Variants in GRID2IP observed in about 807,000 individuals in gnomAD.
GRID2IP encodes the protein delphilin.
In GRID2IP, 78 loss-of-function variants were observed where a neutral mutation model predicts 114.3. The ratio of observed to expected loss-of-function variants is 0.68; its 90% confidence interval spans 0.57 to 0.82. The LOEUF (loss-of-function observed/expected upper bound fraction) is 0.82, where lower values mean the gene tolerates loss of function less well. Ranked by LOEUF, GRID2IP falls within the 40% of genes least tolerant of loss-of-function variation. The pLI is 0.00. For synonymous variants in GRID2IP, 809 were observed against 724.0 expected (o/e 1.12, Z -1.89); for missense variants, 1,727 against 1,678.5 (o/e 1.03, Z -0.51).
At chr7:6,498,309 A>G in intron 20 of GRID2IP, 81 bp from the exon 21 acceptor site, 3 of 1,354,060 alleles carry the variant, frequency 2.2e-6, no homozygotes, top group Non-Finnish European at 3.0e-6. Context: ...ACAGGTCCCT[A>G]GCAGCCCTAT....
intron 10 of GRID2IP, 75 bp downstream of exon 10, chr7:6,510,534 T>C: frequency 5.2e-6 from 7 of 1,334,432 alleles, no homozygotes; most frequent in Non-Finnish European, 7.1e-6. Context: ...GGCCTGGGTC[T>C]CCTGGGCCCA....
At chr7:6,515,575 C>G (rs1779279510) in intron 7 of GRID2IP, among the ~76,000 whole-genome samples, 1 of 151,608 alleles carries the variant, frequency 6.6e-6, no homozygotes, top group Admixed American at 6.6e-5. Context: ...GTCGGGAGCT[C>G]AAGATCAGCT....
In GRID2IP at chr7:6,520,614, C is replaced by A; in HGVS notation, c.1232G>T (p.Gly411Val). The A allele has an allele frequency of 1.3e-6, 2 of 1,551,676 alleles. No homozygotes were observed. The highest frequency in any genetic ancestry group is 1.7e-6 in the Non-Finnish European group (2 of 1,146,974). ...GAAGCTCTCGAGGGCCCGGCAGACCCCATAGCGCTCAGGAGGTGTGAGTAG... is the reference window on the plus strand; with the variant it reads ...GAAGCTCTCGAGGGCCCGGCAGACCACATAGCGCTCAGGAGGTGTGAGTAG... ...EHLLTPPERY[G>V]VCRALESFFQ... The change falls in exon 7 of 22, where the codon GGG becomes GTG. Residue 411 changes from glycine (G) to valine (V), a missense_variant. By Grantham distance (109) the Gly-to-Val change is moderately radical. Transcript: ENST00000457091. The surrounding 1 kb of genome is among the most constrained non-coding windows in gnomAD (Gnocchi z 4.6).
chr7:6,524,274 A>G (rs113315572), intron 4 of GRID2IP, among the ~76,000 whole-genome samples: 287 of 152,324 alleles, frequency 1.9e-3, no homozygotes, highest in Middle Eastern at 3.4e-3. Context: ...CATACACTGG[A>G]GATGTGATGA....
chr7:6,499,051 A>T (rs778965989), intron 20 of GRID2IP, among the ~76,000 whole-genome samples: 2 of 152,206 alleles, frequency 1.3e-5, no homozygotes, highest in African/African-American at 4.8e-5. Flanking sequence ...CTGAATCGCT[A>T]TCATTTTTTC....
intron 15 of GRID2IP, among the ~76,000 whole-genome samples, chr7:6,504,155 T>C (rs948108855): frequency 6.9e-6 from 1 of 145,308 alleles, no homozygotes; most frequent in African/African-American, 2.6e-5. Context: ...TCTATGAGGC[T>C]AAACTGAGGC....
rs576855703 is a variant in GRID2IP, at chr7:6,532,577, G to C, written c.585-5808C>G. On this transcript the variant is annotated intron_variant, in intron 2 of 21. Transcript: ENST00000457091. The surrounding 1 kb of genome is among the most constrained non-coding windows in gnomAD (Gnocchi z 4.4). Reference sequence around the variant, plus strand: ...TGGAAGCAGCCAGAAACTGGAGCCAGTGCCCACTCATGCCGTGCCCTCCCC... The same window carrying C: ...TGGAAGCAGCCAGAAACTGGAGCCACTGCCCACTCATGCCGTGCCCTCCCC... 1.6e-4 allele frequency among the ~76,000 whole-genome samples: 24 copies of C among 152,304 alleles called. 1 individual carries two copies. The South Asian group carries it at 3.7e-3, about 24-fold the overall frequency.
At position 6,508,241 on chromosome 7, in the gene GRID2IP, G is replaced by A; in HGVS notation, c.2288C>T (p.Pro763Leu). ...PLSPPPPPPL[P>L]FHDAKPSSRS... ...GGAGCTGGGCTTAGCGTCATGGAAAGGCAGGGGTGGCGGTGGTGGGGGGCT... is the reference window on the plus strand; with the variant it reads ...GGAGCTGGGCTTAGCGTCATGGAAAAGCAGGGGTGGCGGTGGTGGGGGGCT... The change falls in exon 13 of 22, where the codon CCT becomes CTT. Residue 763 changes from proline to leucine, a missense_variant. Pro to Leu is a moderately conservative substitution (Grantham distance 98). Transcript: ENST00000457091. This position sits in a 1 kb window ranked among gnomAD's most constrained non-coding sequence, Gnocchi z 5.6. The A allele has an allele frequency of 6.5e-7, 1 of 1,533,942 alleles. No individual in the cohort carries two copies. The highest frequency in any genetic ancestry group is 8.8e-7 in the Non-Finnish European group (1 of 1,140,314).
At chr7:6,530,661 A>G (rs975267942) in intron 2 of GRID2IP, among the ~76,000 whole-genome samples, 2 of 152,122 alleles carry the variant, frequency 1.3e-5, no homozygotes, top group Non-Finnish European at 1.5e-5. Context: ...CAGTATAGGG[A>G]GCACGGCAGT....
In GRID2IP at chr7:6,521,844, G is replaced by A. The variant is rs935349765; in HGVS notation, c.989+44C>T. 1 of 1,418,668 alleles carries A rather than the reference G, an allele frequency of 7.0e-7. No individual in the cohort carries two copies. Among genetic ancestry groups the A allele is most frequent in the Non-Finnish European group, 9.7e-7 (1 of 1,026,608 alleles). The allele number at this position is 1,418,668 out of a possible 1,614,324, so 87.9% of individuals were successfully genotyped here. On this transcript the variant is annotated intron_variant, in intron 5 of 21. Transcript: ENST00000457091. This position sits in a 1 kb window ranked among gnomAD's most constrained non-coding sequence, Gnocchi z 4.1. ...GAGGCAGGAGTCTTGCAGGGGGTGG[G>A]GGCAGCTCCTCACCAACCCCTGGTG...
At chr7:6,531,280 A>G in intron 2 of GRID2IP, 1 of 385,326 alleles carries the variant, frequency 2.6e-6, no homozygotes, top group Non-Finnish European at 4.5e-6. Flanking sequence ...CGCCCCCTCC[A>G]GGTAGCCCCG....
At chr7:6,527,214 G>A (rs1204248243) in intron 2 of GRID2IP, among the ~76,000 whole-genome samples, 1 of 152,008 alleles carries the variant, frequency 6.6e-6, no homozygotes, top group Admixed American at 6.6e-5. Flanking sequence ...TGGAACCCAC[G>A]AGCCCCTCAC....
At chr7:6,531,603 A>G (rs924777521) in intron 2 of GRID2IP, among the ~76,000 whole-genome samples, 3 of 152,294 alleles carry the variant, frequency 2.0e-5, no homozygotes, top group Middle Eastern at 3.4e-3. Context: ...CGGGGTCGGG[A>G]GGGACCCACC....
At chr7:6,543,009 T>G (rs552411501) in intron 1 of GRID2IP, among the ~76,000 whole-genome samples, 1 of 152,062 alleles carries the variant, frequency 6.6e-6, no homozygotes, top group South Asian at 2.1e-4. Flanking sequence ...ACTGGGGCTG[T>G]CAGGCCCCGC....
At chr7:6,529,358 C>T (rs1779573249) in intron 2 of GRID2IP, among the ~76,000 whole-genome samples, 5 of 151,912 alleles carry the variant, frequency 3.3e-5, no homozygotes, top group South Asian at 2.1e-4. Flanking sequence ...GGCTGAGGCA[C>T]GAGAATTGCT....
rs1230630054 is a variant in GRID2IP at position 6,534,649 on chromosome 7, G to C, written c.584+5069C>G. 6.6e-6 allele frequency among the ~76,000 whole-genome samples: 1 copy of C among 152,164 alleles called. No individual in the cohort carries two copies. The highest frequency in any genetic ancestry group is 6.5e-5 in the Admixed American group (1 of 15,268). ...ATGTCACTGTCACTGTTGTGTGCTT[G>C]GAATGTGGCTAGTGAGACTGAGAAG... On this transcript the variant is annotated intron_variant, in intron 2 of 21. Transcript: ENST00000457091. The surrounding 1 kb of genome is among the most constrained non-coding windows in gnomAD (Gnocchi z 4.5).
At chr7:6,511,154 ACGGGGCCTGCCCTG>A (rs2115367696) in intron 8 of GRID2IP, 115 bp from the exon 9 acceptor site, 1 of 1,243,528 alleles carries the variant, frequency 8.0e-7, no homozygotes, top group South Asian at 2.9e-5. Flanking sequence ...ACCCCAAGCT[ACGGGGCCTGCCCTG>A]CTTGCCTCCA....
At chr7:6,543,820 C>A (rs1355808908) in intron 1 of GRID2IP, among the ~76,000 whole-genome samples, 6 of 151,860 alleles carry the variant, frequency 4.0e-5, no homozygotes, top group African/African-American at 1.5e-4. Flanking sequence ...GAGAGAAAGT[C>A]TCACTCTGTC....
Position 6,534,510 on chromosome 7 carries a change from T to C in GRID2IP, c.584+5208A>G, listed in dbSNP as rs1473212830. ...AGGAATAGGAGACCACCTGCTTACA[T>C]GGTGACCACGGACCCATCTCACCCT... On this transcript the variant is annotated intron_variant, in intron 2 of 21. Transcript: ENST00000457091. This position sits in a 1 kb window ranked among gnomAD's most constrained non-coding sequence, Gnocchi z 4.5. Among the ~76,000 whole-genome samples the C allele has an allele frequency of 6.6e-6, 1 of 152,150 alleles. No individual in the cohort carries two copies.
Sources: allele counts gnomAD v4.1 joint callset (sites outside exome capture counted in the v4.1 genomes callset), GRCh38; gene constraint gnomAD v4.1.1; non-coding constraint Gnocchi (gnomAD v3.1); transcripts MANE v1.5; gene names NCBI Gene and HGNC (gene_info 2026-07-23, HGNC 2026-07-21).